SNTG2: variants seen among roughly 807,000 people sequenced by gnomAD.
SNTG2 encodes the protein syntrophin gamma 2.
SNTG2 carries 74 observed loss-of-function variants against 70.9 expected under a neutral mutation model. The ratio of observed to expected loss-of-function variants is 1.04; its 90% CI spans 0.86 to 1.27. The LOEUF (loss-of-function observed/expected upper bound fraction) is 1.27, where lower values mean the gene tolerates loss of function less well. SNTG2 is among the 50% of genes most tolerant of loss of function. SNTG2 has a pLI of 0.00. For missense variants in SNTG2, 717 were observed against 690.7 expected (o/e 1.04, Z -0.43); for synonymous variants, 278 against 273.8 (o/e 1.02, Z -0.15).
At chr2:1,054,320 A>G (rs530570966) in intron 1 of SNTG2, among the ~76,000 whole-genome samples, 1 of 152,064 alleles carries the variant, frequency 6.6e-6, no homozygotes, top group East Asian at 1.9e-4. Flanking sequence ...GAGCATCTTC[A>G]CGGCACCAGG....
chr2:1,211,850 T>A (rs1384495695), intron 9 of SNTG2, among the ~76,000 whole-genome samples: 1 of 152,142 alleles, frequency 6.6e-6, no homozygotes, highest in Non-Finnish European at 1.5e-5. Flanking sequence ...CTAGTAATTC[T>A]TAACTAAATG....
At chr2:1,273,498 C>T (rs1037600271) in intron 14 of SNTG2, among the ~76,000 whole-genome samples, 22 of 151,938 alleles carry the variant, frequency 1.4e-4, no homozygotes, top group African/African-American at 5.3e-4. Context: ...CAAGCACAGC[C>T]AAAAAGAGAT....
At chr2:1,111,027 G>A (rs912541932) in intron 4 of SNTG2, among the ~76,000 whole-genome samples, 2 of 152,178 alleles carry the variant, frequency 1.3e-5, no homozygotes, top group African/African-American at 4.8e-5. Flanking sequence ...GCCAAAATCT[G>A]CTTTTTGTCT....
intron 6 of SNTG2, among the ~76,000 whole-genome samples, chr2:1,148,888 G>A (rs754976819): frequency 6.6e-6 from 1 of 152,130 alleles, no homozygotes; most frequent in Non-Finnish European, 1.5e-5. Flanking sequence ...CTGCCCTGGT[G>A]TCACAGCCTG....
chr2:979,143 T>C (rs1379147100), intron 1 of SNTG2, among the ~76,000 whole-genome samples: 5 of 152,194 alleles, frequency 3.3e-5, no homozygotes, highest in Admixed American at 6.5e-5. Flanking sequence ...AATGAAAATA[T>C]TACCATGGCC....
intron 16 of SNTG2, chr2:1,346,344 C>T (rs988181787): frequency 7.2e-5 from 11 of 152,356 alleles, no homozygotes; most frequent in African/African-American, 2.2e-4. Flanking sequence ...CAGGAAGCCC[C>T]AGTCCTAGGG....
rs1263382135 is a variant in SNTG2 at position 1,259,974 on chromosome 2, T to A, written c.1077+533T>A. Reference sequence around the variant, plus strand: ...CCGCCCACCTGACTGCAGAGGTGTCTCCACAGCAAGGCGACGATGCGCTCA... The same window carrying A: ...CCGCCCACCTGACTGCAGAGGTGTCACCACAGCAAGGCGACGATGCGCTCA... On this transcript the variant is annotated intron_variant, in intron 13 of 16. Transcript: ENST00000308624. 2.6e-5 allele frequency among the ~76,000 whole-genome samples: 4 copies of A among 152,162 alleles called. No homozygotes were observed. The East Asian group carries it at 7.7e-4, about 29-fold the overall frequency.
At chr2:984,972 A>AT (rs5828799) in intron 1 of SNTG2, among the ~76,000 whole-genome samples, 59,113 of 152,028 alleles carry the variant, frequency 0.39, 11,830 homozygotes, top group Middle Eastern at 0.48. Context: ...TAGAAAAGAC[A>AT]GTTCTAGGCT....
chr2:1,092,849 T>C (rs1473303572), intron 2 of SNTG2, among the ~76,000 whole-genome samples: 1 of 152,230 alleles, frequency 6.6e-6, no homozygotes, highest in Admixed American at 6.5e-5. Context: ...ATAATGATGC[T>C]GCTACCAAGA....
chr2:1,253,805 G>A (rs1344179963), intron 12 of SNTG2, among the ~76,000 whole-genome samples: 1 of 152,192 alleles, frequency 6.6e-6, no homozygotes, highest in East Asian at 1.9e-4. Flanking sequence ...CAGTGTGGCA[G>A]AAGGCAAAGG....
At chr2:1,284,880 G>A (rs932843385) in intron 14 of SNTG2, among the ~76,000 whole-genome samples, 1 of 145,250 alleles carries the variant, frequency 6.9e-6, no homozygotes, top group African/African-American at 2.6e-5. Flanking sequence ...TACTGTATTA[G>A]TCAGGGTTCT....
intron 4 of SNTG2, among the ~76,000 whole-genome samples, chr2:1,115,200 G>C (rs1280982220): frequency 2.0e-5 from 3 of 151,814 alleles, no homozygotes; most frequent in Non-Finnish European, 4.4e-5. Context: ...CTTTGAGAAG[G>C]ATCGTGTGTA....
intron 1 of SNTG2, among the ~76,000 whole-genome samples, chr2:1,065,734 A>G (rs1254592838): frequency 6.6e-6 from 1 of 152,004 alleles, no homozygotes; most frequent in Non-Finnish European, 1.5e-5. Flanking sequence ...TATTTTTTGT[A>G]TGTCGTTTAG....
At position 1,076,381 on chromosome 2, in the gene SNTG2, T is replaced by G. The variant is rs1663915581; in HGVS notation, c.73-7137T>G. On this transcript the variant is annotated intron_variant, in intron 1 of 16. Coordinates refer to ENST00000308624, the MANE Select transcript of SNTG2 (RefSeq NM_018968.4). ...GGCTCTTTACGCTTCTTCCAGCACCTGATATGCATTCACTGATTCTCTCAA... is the reference window on the plus strand; with the variant it reads ...GGCTCTTTACGCTTCTTCCAGCACCGGATATGCATTCACTGATTCTCTCAA... Among the ~76,000 whole-genome samples the G allele has an allele frequency of 5.3e-5, 8 of 152,190 alleles. No homozygotes were observed. The South Asian group carries it at 1.7e-3, about 32-fold the overall frequency.
chr2:1,029,965 C>T (rs988844933), intron 1 of SNTG2, among the ~76,000 whole-genome samples: 9 of 152,298 alleles, frequency 5.9e-5, no homozygotes, highest in East Asian at 5.8e-4. Flanking sequence ...TTTACACTCT[C>T]GCTAAATAGA....
rs141298027 is a variant in SNTG2 at position 1,168,414 on chromosome 2, G to A, written c.499+2779G>A. Among the ~76,000 whole-genome samples the A allele has an allele frequency of 3.0e-3, 462 of 152,334 alleles. 1 individual carries two copies. The highest frequency in any genetic ancestry group is 5.0e-3 in the Non-Finnish European group (341 of 68,032). On this transcript the variant is annotated intron_variant, in intron 7 of 16. Transcript: ENST00000308624. ...ACATCCACCCCTAGATGCTGCCAGG[G>A]GTCAGAGCCCCAAAGCCGGCCCATC...
In SNTG2 at chr2:1,132,798, C is replaced by A. The variant is rs140467140; in HGVS notation, c.326-4824C>A. On this transcript the variant is annotated intron_variant, in intron 4 of 16. Coordinates refer to ENST00000308624, the MANE Select transcript of SNTG2 (RefSeq NM_018968.4). Reference sequence around the variant, plus strand: ...CAGACTAGAGGAAACGCCCACTCACCCTCCCTCCAGTTTTAGAGCTAAACA... The same window carrying A: ...CAGACTAGAGGAAACGCCCACTCACACTCCCTCCAGTTTTAGAGCTAAACA... 1.0e-3 allele frequency among the ~76,000 whole-genome samples: 154 copies of A among 152,234 alleles called. 2 individuals carry two copies. The South Asian group carries it at 0.019, about 19-fold the overall frequency.
intron 4 of SNTG2, among the ~76,000 whole-genome samples, chr2:1,126,795 T>A (rs145182991): frequency 2.0e-5 from 3 of 152,204 alleles, no homozygotes; most frequent in Non-Finnish European, 4.4e-5. Flanking sequence ...TCAGCTGATA[T>A]GCATACTTTT....
intron 16 of SNTG2, among the ~76,000 whole-genome samples, chr2:1,357,268 T>A (rs1660902067): frequency 6.6e-6 from 1 of 152,174 alleles, no homozygotes; most frequent in African/African-American, 2.4e-5. Context: ...TAGAGTATGA[T>A]GTTAGTCATG....
Sources: allele counts gnomAD v4.1 joint callset (sites outside exome capture counted in the v4.1 genomes callset), GRCh38; gene constraint gnomAD v4.1.1; transcripts MANE v1.5; gene names NCBI Gene and HGNC (gene_info 2026-07-23, HGNC 2026-07-21).